Variants in ZFAND6 observed in about 807,000 individuals in gnomAD.
ZFAND6 encodes the protein zinc finger AN1-type containing 6, also known as AN1-type zinc finger protein 6.
ZFAND6 carries 12 observed loss-of-function variants against 24.5 expected under a neutral mutation model. The ratio of observed to expected loss-of-function variants is 0.49; its 90% CI spans 0.31 to 0.79. The LOEUF is 0.79. Ranked by LOEUF, ZFAND6 falls within the 30% of genes least tolerant of loss-of-function variation. ZFAND6 has a pLI of 0.04. For missense variants in ZFAND6, 207 were observed against 245.9 expected (o/e 0.84, Z 1.06); for synonymous variants, 92 against 81.5 (o/e 1.13, Z -0.69).
chr15:80,085,144 G>C (rs2037914443), intron 1 of ZFAND6, among the ~76,000 whole-genome samples: 1 of 152,172 alleles, frequency 6.6e-6, no homozygotes, highest in South Asian at 2.1e-4. Context: ...AGTGAGTTCT[G>C]TGTTTTCAGA....
chr15:80,086,770 C>G (rs1176675284), intron 1 of ZFAND6, among the ~76,000 whole-genome samples: 2 of 152,208 alleles, frequency 1.3e-5, no homozygotes, highest in Non-Finnish European at 1.5e-5. Flanking sequence ...ATCTCTAGAA[C>G]TATAAAAATT....
intron 1 of ZFAND6, among the ~76,000 whole-genome samples, chr15:80,098,150 T>C (rs2038840035): frequency 6.6e-6 from 1 of 152,230 alleles, no homozygotes; most frequent in Non-Finnish European, 1.5e-5. Flanking sequence ...AATACCTACT[T>C]TTGCTTACTT....
At chr15:80,107,253 T>A (rs943573126) in intron 2 of ZFAND6, among the ~76,000 whole-genome samples, 1 of 152,146 alleles carries the variant, frequency 6.6e-6, no homozygotes, top group Non-Finnish European at 1.5e-5. Context: ...ATTTGTTTCA[T>A]CAGGAATACT....
At chr15:80,127,175 A>G (rs928522507) in intron 5 of ZFAND6, among the ~76,000 whole-genome samples, 3 of 152,188 alleles carry the variant, frequency 2.0e-5, no homozygotes, top group African/African-American at 7.2e-5. Flanking sequence ...CATATATGTG[A>G]TAAGGATATA....
At chr15:80,065,846 G>T (rs890391352) in intron 1 of ZFAND6, among the ~76,000 whole-genome samples, 9 of 151,808 alleles carry the variant, frequency 5.9e-5, no homozygotes, top group African/African-American at 2.2e-4. Flanking sequence ...TGCCTGGCCA[G>T]TTTTGAATTT....
At chr15:80,107,345 A>G (rs7168791) in intron 2 of ZFAND6, among the ~76,000 whole-genome samples, 6 of 151,996 alleles carry the variant, frequency 3.9e-5, no homozygotes, top group African/African-American at 1.2e-4. Context: ...TAGTCATTAC[A>G]TAATGACATC....
intron 1 of ZFAND6, among the ~76,000 whole-genome samples, chr15:80,062,858 A>C (rs998412767): frequency 6.6e-6 from 1 of 152,154 alleles, no homozygotes; most frequent in Non-Finnish European, 1.5e-5. Context: ...GTGTATTCTT[A>C]ATATCCTAAA....
At chr15:80,121,286 A>G (rs2040134643) in intron 3 of ZFAND6, among the ~76,000 whole-genome samples, 2 of 152,238 alleles carry the variant, frequency 1.3e-5, no homozygotes, top group Non-Finnish European at 2.9e-5. Flanking sequence ...AGATCAAATG[A>G]GTATAAATTG....
chr15:80,059,971 G>A (rs1407900570), intron 1 of ZFAND6, among the ~76,000 whole-genome samples, 162 bp downstream of exon 1: 6 of 150,894 alleles, frequency 4.0e-5, no homozygotes, highest in Non-Finnish European at 5.9e-5. Flanking sequence ...CAGGTGGTGG[G>A]CCCGCGGGGG....
chr15:80,134,090 C>T (rs576621395), intron 6 of ZFAND6, among the ~76,000 whole-genome samples: 1 of 151,694 alleles, frequency 6.6e-6, no homozygotes, highest in Non-Finnish European at 1.5e-5. Flanking sequence ...TGGGTTCTAG[C>T]GATTCTCCTG....
intron 1 of ZFAND6, among the ~76,000 whole-genome samples, chr15:80,082,162 A>T (rs2037710100): frequency 6.6e-6 from 1 of 152,206 alleles, no homozygotes; most frequent in African/African-American, 2.4e-5. Context: ...AGGATATGGG[A>T]ATGGTGTGAC....
At chr15:80,085,743 G>T (rs2037956305) in intron 1 of ZFAND6, among the ~76,000 whole-genome samples, 1 of 152,054 alleles carries the variant, frequency 6.6e-6, no homozygotes, top group Non-Finnish European at 1.5e-5. Context: ...TGTGTTTTGT[G>T]TGTGTGTGTT....
At chr15:80,097,445 T>A (rs1242515437) in intron 1 of ZFAND6, among the ~76,000 whole-genome samples, 3 of 152,016 alleles carry the variant, frequency 2.0e-5, no homozygotes, top group Non-Finnish European at 4.4e-5. Flanking sequence ...GTCAGGAATT[T>A]GAGACCAGCC....
chr15:80,087,897 A>G (rs1028659682), intron 1 of ZFAND6, among the ~76,000 whole-genome samples: 4 of 152,268 alleles, frequency 2.6e-5, no homozygotes, highest in East Asian at 1.9e-4. Context: ...TGCACATACT[A>G]TATATGCATT....
rs138687435 is a variant in ZFAND6, at chr15:80,084,884, C to T, written c.-180-13532C>T. Among the ~76,000 whole-genome samples, 402 of 152,272 alleles carry T rather than the reference C, an allele frequency of 2.6e-3. 2 individuals are homozygous for T. The highest frequency in any genetic ancestry group is 9.3e-3 in the African/African-American group (388 of 41,542). Reference sequence around the variant, plus strand: ...AATGTCTCCTAAGCTGCAGTCTGAACCTAATTAAGAATTTTTAAGTCGGTT... The same window carrying T: ...AATGTCTCCTAAGCTGCAGTCTGAATCTAATTAAGAATTTTTAAGTCGGTT... On this transcript the variant is annotated intron_variant, in intron 1 of 6. Transcript: ENST00000261749.
intron 1 of ZFAND6, among the ~76,000 whole-genome samples, chr15:80,083,712 G>A (rs2037821760): frequency 1.3e-5 from 2 of 152,130 alleles, no homozygotes; most frequent in Non-Finnish European, 2.9e-5. Context: ...CCAACGTGGT[G>A]AAACCGTGTA....
At position 80,096,999 on chromosome 15, in the gene ZFAND6, AT is replaced by A. The variant is rs766620204; in HGVS notation, c.-180-1399del. Reference sequence around the variant, plus strand: ...TTAAAGTTTAGATATAATGTGTTAGATTTTTTTTTTTTTTTTTTGAGACGGT... The same window carrying A: ...TTAAAGTTTAGATATAATGTGTTAGATTTTTTTTTTTTTTTTTGAGACGGT... On this transcript the variant is annotated intron_variant, in intron 1 of 6. Transcript: ENST00000261749. 9.1e-3 allele frequency among the ~76,000 whole-genome samples: 1,261 copies of A among 138,708 alleles called. 3 individuals carry two copies. Among genetic ancestry groups the A allele is most frequent in the African/African-American group, 0.025 (931 of 37,580 alleles). 91.0% of individuals were successfully genotyped at this position (138,708 alleles called of 152,430 possible).
At chr15:80,134,809 G>A (rs376300803) in intron 6 of ZFAND6, among the ~76,000 whole-genome samples, 2 of 90,910 alleles carry the variant, frequency 2.2e-5, no homozygotes, top group East Asian at 4.3e-4. Context: ...AAGAGAAAAA[G>A]CGTGCAAGAA....
At chr15:80,121,212 T>C (rs1256975740) in intron 3 of ZFAND6, among the ~76,000 whole-genome samples, 1 of 152,210 alleles carries the variant, frequency 6.6e-6, no homozygotes, top group Non-Finnish European at 1.5e-5. Context: ...TGAGATCTTG[T>C]CTGTTTTTGT....
Sources: allele counts gnomAD v4.1 joint callset (sites outside exome capture counted in the v4.1 genomes callset), GRCh38; gene constraint gnomAD v4.1.1; transcripts MANE v1.5; gene names NCBI Gene and HGNC (gene_info 2026-07-23, HGNC 2026-07-21).